Variants in GRB2 observed in about 807,000 individuals in gnomAD.
The protein encoded by GRB2 is growth factor receptor-bound protein 2.
In GRB2, 2 loss-of-function variants were observed where a neutral mutation model predicts 27.4. That is an observed-to-expected ratio of 0.07 (90% CI 0.03 to 0.23). The LOEUF is 0.23. Among genes scored for constraint, GRB2 ranks in the 10% least tolerant of loss-of-function variants. GRB2 has a pLI of 1.00. For missense variants in GRB2, 102 were observed against 282.4 expected (o/e 0.36, Z 4.58); for synonymous variants, 94 against 99.6 (o/e 0.94, Z 0.33).
At chr17:75,369,722 G>A (rs911672034) in intron 2 of GRB2, among the ~76,000 whole-genome samples, 1 of 151,606 alleles carries the variant, frequency 6.6e-6, no homozygotes, top group East Asian at 1.9e-4. Context: ...AGCCGGGTGT[G>A]GGGGTGCATG....
At position 75,376,917 on chromosome 17, in the gene GRB2, G is replaced by C. The variant is rs570771149; in HGVS notation, c.78+16634C>G. Among the ~76,000 whole-genome samples the C allele has an allele frequency of 2.6e-5, 4 of 152,096 alleles. No individual in the cohort carries two copies. In the South Asian group the frequency reaches 8.3e-4, roughly 32 times the overall value. On this transcript the variant is annotated intron_variant, in intron 2 of 5. Transcript: ENST00000316804. Reference sequence around the variant, plus strand: ...TACCTGTAGTTCCAGAGACTAGGGTGGGAGGATCAACTGAGCCTGGAATGT... The same window carrying C: ...TACCTGTAGTTCCAGAGACTAGGGTCGGAGGATCAACTGAGCCTGGAATGT...
At chr17:75,391,136 C>CT (rs1003250699) in intron 2 of GRB2, among the ~76,000 whole-genome samples, 3 of 149,936 alleles carry the variant, frequency 2.0e-5, no homozygotes, top group Non-Finnish European at 3.0e-5. Context: ...TATCGTCACT[C>CT]TTTTTTTTTT....
chr17:75,372,520 C>T (rs2078862689), intron 2 of GRB2: 1 of 152,220 alleles, frequency 6.6e-6, no homozygotes, highest in Non-Finnish European at 1.5e-5. Context: ...GACACGATTT[C>T]CTAGCATTTC....
chr17:75,376,387 G>C (rs1322320952), intron 2 of GRB2, among the ~76,000 whole-genome samples: 1 of 150,500 alleles, frequency 6.6e-6, no homozygotes, highest in South Asian at 2.1e-4. Context: ...CCGACCTGGT[G>C]GCATGCTCCT....
At chr17:75,337,017 C>T (rs918029493) in intron 2 of GRB2, among the ~76,000 whole-genome samples, 2 of 152,180 alleles carry the variant, frequency 1.3e-5, no homozygotes, top group Non-Finnish European at 2.9e-5. Flanking sequence ...GGATTATAGG[C>T]GTGAGCCATC....
At chr17:75,390,128 C>T (rs1426696923) in intron 2 of GRB2, among the ~76,000 whole-genome samples, 1 of 152,144 alleles carries the variant, frequency 6.6e-6, no homozygotes, top group Admixed American at 6.5e-5. Context: ...AACTCAAGAC[C>T]TGTTTTTAAA....
Position 75,392,429 on chromosome 17 carries a change from A to G in GRB2, c.78+1122T>C, listed in dbSNP as rs536125006. Among the ~76,000 whole-genome samples the G allele has an allele frequency of 6.2e-4, 95 of 152,336 alleles. 1 individual carries two copies. Among genetic ancestry groups the G allele is most frequent in the African/African-American group, 2.3e-3 (94 of 41,576 alleles). ...GAAATTACTGGGCAGTTAACTTCAG[A>G]GTAGAACTCTACGCCTTGGGCAATG... On this transcript the variant is annotated intron_variant, in intron 2 of 5. Transcript: ENST00000316804.
intron 2 of GRB2, among the ~76,000 whole-genome samples, chr17:75,351,227 A>G (rs2078690291): frequency 6.6e-6 from 1 of 152,104 alleles, no homozygotes; most frequent in Non-Finnish European, 1.5e-5. Flanking sequence ...TTAAGAATCT[A>G]AGTTTATCCC....
At chr17:75,391,241 C>T (rs1290681664) in intron 2 of GRB2, among the ~76,000 whole-genome samples, 1 of 151,982 alleles carries the variant, frequency 6.6e-6, no homozygotes, top group Non-Finnish European at 1.5e-5. Context: ...CAGTTATCTA[C>T]CAAATTGAAA....
intron 2 of GRB2, 45 bp from the exon 3 acceptor site, chr17:75,332,842 C>T (rs747023354): frequency 2.2e-5 from 28 of 1,257,338 alleles, no homozygotes; most frequent in Non-Finnish European, 3.1e-5. Context: ...ATTTCCTTTT[C>T]CCTTTAAAAA....
chr17:75,339,056 G>T (rs1196891694), intron 2 of GRB2: 8 of 1,314,258 alleles, frequency 6.1e-6, no homozygotes, highest in Non-Finnish European at 8.8e-6. Flanking sequence ...GAGCCCAACT[G>T]CAGATCTAAG....
intron 2 of GRB2, among the ~76,000 whole-genome samples, chr17:75,391,508 T>C (rs991985981): frequency 2.6e-5 from 4 of 152,120 alleles, no homozygotes; most frequent in Non-Finnish European, 5.9e-5. Context: ...AAAGTTCTTG[T>C]TTAAAAATTT....
chr17:75,387,796 T>C (rs1567875107), intron 2 of GRB2: 2 of 141,056 alleles, frequency 1.4e-5, no homozygotes, highest in African/African-American at 5.3e-5. Flanking sequence ...AGACTTCGCC[T>C]AAAAAAAAAA....
At chr17:75,333,280 T>TG (rs1381070392) in intron 2 of GRB2, among the ~76,000 whole-genome samples, 2 of 152,170 alleles carry the variant, frequency 1.3e-5, no homozygotes, top group Non-Finnish European at 2.9e-5. Flanking sequence ...TTCACCATGT[T>TG]GGCCAGGCTG....
At chr17:75,327,515 C>A (rs372520107) in intron 3 of GRB2, among the ~76,000 whole-genome samples, 1 of 151,960 alleles carries the variant, frequency 6.6e-6, no homozygotes, top group African/African-American at 2.4e-5. Flanking sequence ...GGATTACAGG[C>A]GGCCACCACC....
intron 2 of GRB2, among the ~76,000 whole-genome samples, chr17:75,365,888 T>C (rs2078816027): frequency 1.3e-5 from 2 of 152,184 alleles, no homozygotes. Flanking sequence ...CTCCCTTCTA[T>C]TGAAATTGCC....
rs5822085 is a variant in GRB2 at position 75,380,346 on chromosome 17, TA to T, written c.78+13204del. ...TGATTACAAAACTAATAGCTTGTAG[TA>T]AAAAAAAAAAAAAACTATTATAGAA... is the stretch of plus-strand genomic sequence containing the variant. On this transcript the variant is annotated intron_variant, in intron 2 of 5. Coordinates refer to ENST00000316804, the MANE Select transcript of GRB2 (RefSeq NM_002086.5). Among the ~76,000 whole-genome samples, 649 of 142,916 alleles carry T rather than the reference TA, an allele frequency of 4.5e-3. 4 individuals are homozygous for T. The highest frequency in any genetic ancestry group is 0.011 in the African/African-American group (431 of 37,694). 93.8% of individuals were successfully genotyped at this position (142,916 alleles called of 152,430 possible).
intron 2 of GRB2, chr17:75,338,862 TAAG>T (rs1286618931): frequency 6.4e-6 from 5 of 781,204 alleles, no homozygotes; most frequent in South Asian, 2.7e-5. Flanking sequence ...GGACTTTCTC[TAAG>T]AAGTGTGGCA....
intron 3 of GRB2, among the ~76,000 whole-genome samples, chr17:75,331,837 C>G (rs1282187829): frequency 1.3e-5 from 2 of 152,164 alleles, no homozygotes; most frequent in Non-Finnish European, 2.9e-5. Context: ...CTGAAGGAAA[C>G]AGAAGTACAC....
Sources: gnomAD v4.1 joint callset for allele counts (sites outside exome capture counted in the v4.1 genomes callset) on GRCh38, gnomAD v4.1.1 for gene constraint, MANE v1.5 for transcripts, NCBI Gene and HGNC (gene_info 2026-07-23, HGNC 2026-07-21) for gene names.